The following ANXA2 variants were observed in gnomAD, a reference collection of about 807,000 sequenced individuals.
ANXA2 encodes annexin A2.
A neutral mutation model predicts 47.3 loss-of-function variants in ANXA2; 28 were observed. The ratio of observed to expected loss-of-function variants is 0.59; its 90% confidence interval spans 0.44 to 0.81. ANXA2 has a LOEUF of 0.81. ANXA2 is among the 40% of genes least tolerant of loss of function. ANXA2 has a pLI of 0.00. For synonymous variants in ANXA2, 172 were observed against 155.5 expected (o/e 1.11, Z -0.79); for missense variants, 384 against 414.3 (o/e 0.93, Z 0.64).
At chr15:60,366,520 C>T (rs1244890622) in intron 3 of ANXA2, among the ~76,000 whole-genome samples, 1 of 149,192 alleles carries the variant, frequency 6.7e-6, no homozygotes, top group Non-Finnish European at 1.5e-5. Flanking sequence ...AGATGAGGAG[C>T]GTCTCTGCCC....
chr15:60,376,604 T>C (rs1595694034), intron 3 of ANXA2, among the ~76,000 whole-genome samples: 2 of 152,140 alleles, frequency 1.3e-5, no homozygotes, highest in South Asian at 4.1e-4. Context: ...GCAGACTGGC[T>C]GGGAAAAGTA....
At chr15:60,354,054 G>T in intron 8 of ANXA2, 100 bp downstream of exon 8, 1 of 886,400 alleles carries the variant, frequency 1.1e-6, no homozygotes, top group Non-Finnish European at 1.7e-6. Flanking sequence ...TTAAGCCACA[G>T]AGTTTGGGAG....
chr15:60,354,146 G>T lies in ANXA2; in HGVS notation c.588+8C>A, dbSNP rs2140788405. 1 of 1,613,300 alleles carries T rather than the reference G, an allele frequency of 6.2e-7. No individual in the cohort carries two copies. Among genetic ancestry groups the T allele is most frequent in the Non-Finnish European group, 8.5e-7 (1 of 1,179,436 alleles). On this transcript the variant is annotated splice_region_variant and intron_variant, in intron 8 of 12. Transcript: ENST00000451270. The stretch of plus-strand genomic sequence containing the variant: ...ACAAAAACTCAAAGCAAAAAGCTCA[G>T]CACTTACCCGAGCATCTTGGTCAAT...
intron 4 of ANXA2, among the ~76,000 whole-genome samples, chr15:60,363,393 C>G (rs947231088): frequency 6.6e-6 from 1 of 152,188 alleles, no homozygotes; most frequent in South Asian, 2.1e-4. Flanking sequence ...CTGCAACTCC[C>G]AGGACCCTGC....
chr15:60,351,363 G>C (rs1896006081), intron 10 of ANXA2, 112 bp from the exon 11 acceptor site: 2 of 1,038,154 alleles, frequency 1.9e-6, no homozygotes, highest in Admixed American at 2.0e-5. Context: ...TAATGCAATG[G>C]AAAAGGGCTG....
At chr15:60,393,002 C>A (rs2063034298) in intron 1 of ANXA2, 5 of 1,278,428 alleles carry the variant, frequency 3.9e-6, no homozygotes, top group Admixed American at 2.3e-5. Context: ...TGTACTCCAT[C>A]CTCCACCCAC....
intron 4 of ANXA2, among the ~76,000 whole-genome samples, 199 bp from the exon 5 acceptor site, chr15:60,361,253 C>A (rs74017176): frequency 1.3e-5 from 2 of 152,126 alleles, no homozygotes; most frequent in African/African-American, 2.4e-5. Flanking sequence ...TTTGCTTCAA[C>A]GAAATTCCTT....
intron 5 of ANXA2, 150 bp from the exon 6 acceptor site, chr15:60,357,386 C>G: frequency 1.6e-6 from 1 of 628,710 alleles, no homozygotes; most frequent in Non-Finnish European, 2.8e-6. Context: ...ATACTCCTAC[C>G]CCTTAGCACA....
chr15:60,389,447 T>C (rs1336629691), intron 1 of ANXA2, among the ~76,000 whole-genome samples: 1 of 152,224 alleles, frequency 6.6e-6, no homozygotes, highest in Non-Finnish European at 1.5e-5. Context: ...TGCCTACCCG[T>C]GTCCCACATG....
chr15:60,371,452 T>C (rs919709368), intron 3 of ANXA2, among the ~76,000 whole-genome samples: 14 of 152,184 alleles, frequency 9.2e-5, no homozygotes, highest in Non-Finnish European at 2.9e-5. Context: ...TCCTCCTCTC[T>C]GCGGGTGGAA....
At chr15:60,378,616 T>C (rs953019262) in intron 3 of ANXA2, among the ~76,000 whole-genome samples, 5 of 152,208 alleles carry the variant, frequency 3.3e-5, no homozygotes, top group Non-Finnish European at 7.3e-5. Context: ...CTAGAAATTA[T>C]TTTAAAGGAC....
At chr15:60,357,380 TC>T (rs5813020) in intron 5 of ANXA2, 144 bp from the exon 6 acceptor site, 486,672 of 643,998 alleles carry the variant, frequency 0.76, 186,058 homozygotes, top group Admixed American at 0.87. Context: ...GAATCTATAC[TC>T]CTACCCCTTA....
chr15:60,350,047 G>C (rs60968040), intron 11 of ANXA2, among the ~76,000 whole-genome samples: 11 of 5,760 alleles, frequency 1.9e-3, no homozygotes, highest in African/African-American at 7.2e-3. Flanking sequence ...GGCAGGGAGG[G>C]AGGGGAAGGC....
Position 60,347,527 on chromosome 15 carries a change from A to G in ANXA2, c.*103T>C. The G allele has an allele frequency of 8.7e-7, 1 of 1,155,888 alleles. No individual in the cohort carries two copies. The highest frequency in any genetic ancestry group is 1.3e-6 in the Non-Finnish European group (1 of 774,846). 71.6% of individuals were successfully genotyped at this position (1,155,888 alleles called of 1,614,324 possible). ...TGGGGGTAATGCTAACGTCACCCTC[A>G]CAGGGATGGCCACGGGGACTGTTAT... On this transcript the variant is annotated 3_prime_UTR_variant, in exon 13 of 13. Coordinates refer to ENST00000451270, the MANE Select transcript of ANXA2 (RefSeq NM_004039.3).
At chr15:60,390,412 G>A (rs554926234) in intron 1 of ANXA2, 1 of 561,194 alleles carries the variant, frequency 1.8e-6, no homozygotes, top group East Asian at 6.0e-5. Context: ...TCTGTAAGAA[G>A]TGTGGCAAGC....
chr15:60,382,091 AAGAAGGGAGAAAGAGAAAGAGGGAG>A (rs2062869311), intron 3 of ANXA2, among the ~76,000 whole-genome samples: 1 of 151,042 alleles, frequency 6.6e-6, no homozygotes, highest in Non-Finnish European at 1.5e-5. Context: ...GAAGAGCAGG[AAGAAGGGAGAAAGAGAAAGAGGGAG>A]AGAAGGAAGA....
intron 12 of ANXA2, 96 bp downstream of exon 12, chr15:60,348,977 CAG>C: frequency 6.9e-7 from 1 of 1,446,364 alleles, no homozygotes; most frequent in Non-Finnish European, 9.6e-7. Flanking sequence ...AGTCAGAAAA[CAG>C]AAAATCGCCA....
At position 60,352,681 on chromosome 15, in the gene ANXA2, T is replaced by C. The variant is rs1566930193; in HGVS notation, c.589-205A>G. On this transcript the variant is annotated intron_variant, in intron 8 of 12. Coordinates refer to ENST00000451270, the MANE Select transcript of ANXA2 (RefSeq NM_004039.3). The surrounding 1 kb of genome is among the most constrained non-coding windows in gnomAD (Gnocchi z 4.2). ...CTTCCTTAGGCACAGATGGATACCA[T>C]ATGAGACTGCAGATAGTTCGTGAGG... Among the ~76,000 whole-genome samples the C allele has an allele frequency of 6.6e-6, 1 of 152,170 alleles. No individual in the cohort carries two copies. Among genetic ancestry groups the C allele is most frequent in the Non-Finnish European group, 1.5e-5 (1 of 68,028 alleles).
chr15:60,397,812 G>A (rs1271892099), intron 1 of ANXA2, 131 bp downstream of exon 1: 2 of 1,336,304 alleles, frequency 1.5e-6, no homozygotes, highest in African/African-American at 1.5e-5. Context: ...CGTCCCTTCA[G>A]CCCCCTGCCC....
Sources: allele counts gnomAD v4.1 joint callset (sites outside exome capture counted in the v4.1 genomes callset), GRCh38; gene constraint gnomAD v4.1.1; non-coding constraint Gnocchi (gnomAD v3.1); transcripts MANE v1.5; gene names NCBI Gene and HGNC (gene_info 2026-07-23, HGNC 2026-07-21).